NEGR1: variants seen among roughly 807,000 people sequenced by gnomAD.
The protein encoded by NEGR1 is neuronal growth regulator 1.
Under a neutral mutation model 40.9 loss-of-function variants are expected in NEGR1, and 10 were observed. That is an observed-to-expected ratio of 0.24 (90% CI 0.15 to 0.42). NEGR1 has a LOEUF of 0.42. NEGR1 is among the 10% of genes least tolerant of loss of function. The pLI is 1.00. For missense variants in NEGR1, 352 were observed against 438.9 expected, an observed-to-expected ratio of 0.80 and a Z score of 1.77; for synonymous variants, 185 against 166.8, an observed-to-expected ratio of 1.11 and a Z score of -0.84.
chr1:71,849,487 C>T (rs1659532264), intron 2 of NEGR1, among the ~76,000 whole-genome samples: 1 of 152,088 alleles, frequency 6.6e-6, no homozygotes, highest in Admixed American at 6.6e-5. Context: ...GGAATCTACT[C>T]CTGGCGTAGA....
chr1:72,275,133 C>G (rs1194590614), intron 1 of NEGR1: 4 of 753,784 alleles, frequency 5.3e-6, no homozygotes, highest in Middle Eastern at 3.5e-4. Context: ...TTATTTCCCG[C>G]ACGTACGATG....
intron 1 of NEGR1, among the ~76,000 whole-genome samples, chr1:72,069,119 G>C (rs1390235171): frequency 2.0e-5 from 3 of 151,950 alleles, no homozygotes; most frequent in Admixed American, 6.6e-5. Context: ...GTTTAAGTAT[G>C]TAAACGATGG....
At chr1:71,615,271 T>C (rs1322400159) in intron 4 of NEGR1, among the ~76,000 whole-genome samples, 2 of 146,030 alleles carry the variant, frequency 1.4e-5, no homozygotes, top group East Asian at 3.9e-4. Context: ...ACATATTTTA[T>C]CAGGGATCAC....
At chr1:72,143,840 A>G (rs1650775240) in intron 1 of NEGR1, among the ~76,000 whole-genome samples, 1 of 145,800 alleles carries the variant, frequency 6.9e-6, no homozygotes, top group Non-Finnish European at 1.5e-5. Flanking sequence ...ATGTACTGAT[A>G]ACAAAGAAGA....
chr1:71,770,050 C>G (rs1347322125), intron 3 of NEGR1, among the ~76,000 whole-genome samples: 1 of 152,144 alleles, frequency 6.6e-6, no homozygotes, highest in African/African-American at 2.4e-5. Context: ...AATCACTAGG[C>G]CCTACCGGCA....
rs1298158026 is a variant in NEGR1 at position 71,529,081 on chromosome 1, AT to A, written c.940+63735del. Among the ~76,000 whole-genome samples, 5 of 151,254 alleles carry A rather than the reference AT, an allele frequency of 3.3e-5. No individual in the cohort carries two copies. The East Asian group carries it at 9.7e-4, about 29-fold the overall frequency. The stretch of plus-strand genomic sequence containing the variant: ...ACAACAGCATTCAGTTAAAGATTAA[AT>A]TATTTTCAGAATAAAAATTTTTAGT... On this transcript the variant is annotated intron_variant, in intron 6 of 6. Coordinates refer to ENST00000357731, the MANE Select transcript of NEGR1 (RefSeq NM_173808.3).
chr1:71,498,551 C>G (rs1419399991), intron 6 of NEGR1, among the ~76,000 whole-genome samples: 1 of 152,098 alleles, frequency 6.6e-6, no homozygotes, highest in Non-Finnish European at 1.5e-5. Flanking sequence ...TCCTGCAATT[C>G]CTCCAAATAT....
At chr1:71,909,697 C>A (rs543137412) in intron 2 of NEGR1, among the ~76,000 whole-genome samples, 7 of 152,168 alleles carry the variant, frequency 4.6e-5, no homozygotes, top group African/African-American at 1.4e-4. Flanking sequence ...CCACTTTACA[C>A]GAATCTGTCT....
intron 2 of NEGR1, among the ~76,000 whole-genome samples, chr1:71,908,274 C>T (rs1175540318): frequency 6.6e-6 from 1 of 151,152 alleles, no homozygotes; most frequent in Admixed American, 6.6e-5. Flanking sequence ...TTCTATACAA[C>T]ATTTTTGAAT....
At chr1:71,479,733 A>T (rs972657685) in intron 6 of NEGR1, among the ~76,000 whole-genome samples, 1 of 151,982 alleles carries the variant, frequency 6.6e-6, no homozygotes, top group Non-Finnish European at 1.5e-5. Flanking sequence ...TCTACTTTAA[A>T]CTATTTGTAT....
chr1:72,078,506 T>C (rs1416494416), intron 1 of NEGR1, among the ~76,000 whole-genome samples: 1 of 151,946 alleles, frequency 6.6e-6, no homozygotes, highest in Non-Finnish European at 1.5e-5. Context: ...GATATGTGTT[T>C]ACAAATTCCA....
At chr1:71,483,751 A>G (rs1288087490) in intron 6 of NEGR1, among the ~76,000 whole-genome samples, 1 of 151,730 alleles carries the variant, frequency 6.6e-6, no homozygotes, top group East Asian at 1.9e-4. Flanking sequence ...GGTGTGTTCC[A>G]TCTCTGTTAA....
intron 2 of NEGR1, among the ~76,000 whole-genome samples, chr1:71,789,057 C>A (rs1459797): frequency 0.96 from 145,517 of 152,208 alleles, 69,881 homozygotes; most frequent in East Asian, 1. Context: ...AAGGCGATAC[C>A]AAGATATTTT....
chr1:71,846,416 A>T (rs960121665), intron 2 of NEGR1, among the ~76,000 whole-genome samples: 4 of 132,428 alleles, frequency 3.0e-5, no homozygotes, highest in Non-Finnish European at 6.3e-5. Flanking sequence ...CACACACACA[A>T]ACACACACAC....
chr1:71,576,357 A>G (rs1172753961), intron 6 of NEGR1, among the ~76,000 whole-genome samples: 1 of 152,200 alleles, frequency 6.6e-6, no homozygotes, highest in Non-Finnish European at 1.5e-5. Flanking sequence ...GTATGACAGA[A>G]AAAACAAAAA....
At chr1:71,460,870 A>C (rs1189653094) in intron 6 of NEGR1, among the ~76,000 whole-genome samples, 2 of 152,214 alleles carry the variant, frequency 1.3e-5, no homozygotes, top group African/African-American at 4.8e-5. Flanking sequence ...CCTGAACAAA[A>C]TATATTAACG....
intron 5 of NEGR1, among the ~76,000 whole-genome samples, chr1:71,602,238 CTTTTTTTTTTTTTT>C (rs386367303): frequency 4.6e-5 from 3 of 64,538 alleles, no homozygotes; most frequent in African/African-American, 5.8e-5. Flanking sequence ...CATGATTATT[CTTTTTTTTTTTTTT>C]TTTTTTTTTT....
intron 3 of NEGR1, among the ~76,000 whole-genome samples, chr1:71,754,638 C>A (rs6671557): frequency 0.044 from 6,660 of 152,038 alleles, 211 homozygotes; most frequent in East Asian, 0.13. Context: ...TCCCCACCCC[C>A]ACCTGCATTC....
rs1436061610 is a variant in NEGR1 at position 71,832,162 on chromosome 1, G to A, written c.410-55865C>T. On this transcript the variant is annotated intron_variant, in intron 2 of 6. Coordinates refer to ENST00000357731, the MANE Select transcript of NEGR1 (RefSeq NM_173808.3). ...GAAGCTGAAAGACAGTTCAAAGGAG[G>A]AAATGACAGGACTCAATGACAGACT... 2.0e-5 allele frequency among the ~76,000 whole-genome samples: 3 copies of A among 151,980 alleles called. No individual in the cohort carries two copies. In the East Asian group the frequency reaches 5.8e-4, roughly 30 times the overall value.
Sources: allele counts gnomAD v4.1 joint callset (sites outside exome capture counted in the v4.1 genomes callset), GRCh38; gene constraint gnomAD v4.1.1; transcripts MANE v1.5; gene names NCBI Gene and HGNC (gene_info 2026-07-23, HGNC 2026-07-21).